The following TPRG1 variants were observed in gnomAD, a reference collection of about 807,000 sequenced individuals.
TPRG1 encodes tumor protein p63 regulated 1.
TPRG1 carries 29 observed loss-of-function variants against 29.3 expected under a neutral mutation model. That is an observed-to-expected ratio of 0.99 (90% CI 0.74 to 1.35). The LOEUF (loss-of-function observed/expected upper bound fraction) is 1.35. Among genes scored for constraint, TPRG1 ranks in the 40% most tolerant of loss-of-function variants. TPRG1 has a pLI of 0.00. For missense variants in TPRG1, 327 were observed against 335.0 expected, an observed-to-expected ratio of 0.98 and a Z score of 0.19; for synonymous variants, 130 against 116.8, an observed-to-expected ratio of 1.11 and a Z score of -0.73.
At chr3:189,275,033 ATATT>A (rs367770565) in intron 4 of TPRG1, among the ~76,000 whole-genome samples, 302 of 151,904 alleles carry the variant, frequency 2.0e-3, no homozygotes, top group African/African-American at 6.5e-3. Flanking sequence ...CATTCATCAA[ATATT>A]TATTGAGGTT....
intron 1 of TPRG1, among the ~76,000 whole-genome samples, chr3:189,114,906 A>G (rs1057118716): frequency 6.6e-6 from 1 of 152,246 alleles, no homozygotes; most frequent in Admixed American, 6.5e-5. Context: ...CAGGACTGTG[A>G]GCTATAGCTG....
intron 4 of TPRG1, among the ~76,000 whole-genome samples, chr3:189,077,961 G>T (rs1717291626): frequency 6.6e-6 from 1 of 151,824 alleles, no homozygotes; most frequent in South Asian, 2.1e-4. Context: ...CAATTACTGT[G>T]CTTTGAAGAA....
At chr3:189,270,193 GAAA>G (rs558585437) in intron 4 of TPRG1, among the ~76,000 whole-genome samples, 1 of 135,754 alleles carries the variant, frequency 7.4e-6, no homozygotes, top group African/African-American at 2.7e-5. Flanking sequence ...GCTGAAGAGA[GAAA>G]AAAAAAAAAG....
intron 4 of TPRG1, among the ~76,000 whole-genome samples, chr3:189,078,348 G>A (rs1164411624): frequency 6.6e-6 from 1 of 151,782 alleles, no homozygotes; most frequent in Non-Finnish European, 1.5e-5. Context: ...ATATTGTTCA[G>A]GCTGGTCTTG....
chr3:188,998,945 A>G (rs983226617), intron 1 of TPRG1, among the ~76,000 whole-genome samples: 1 of 152,240 alleles, frequency 6.6e-6, no homozygotes, highest in Non-Finnish European at 1.5e-5. Flanking sequence ...TGTGTATTTC[A>G]AAGTAGCCAG....
chr3:189,201,060 C>A (rs1056339893), intron 1 of TPRG1, among the ~76,000 whole-genome samples: 1 of 152,178 alleles, frequency 6.6e-6, no homozygotes, highest in African/African-American at 2.4e-5. Flanking sequence ...ATGTTAAAGG[C>A]ACCATCTTGA....
chr3:189,272,598 A>C (rs923769529), intron 4 of TPRG1, among the ~76,000 whole-genome samples: 7 of 146,008 alleles, frequency 4.8e-5, no homozygotes, highest in African/African-American at 1.9e-4. Context: ...TTCTTCTGCC[A>C]AGTCTCTTCT....
rs558912820 is a variant in TPRG1 at position 189,249,633 on chromosome 3, A to C, written c.479+10724A>C. Among the ~76,000 whole-genome samples, 14 of 151,990 alleles carry C rather than the reference A, an allele frequency of 9.2e-5. No individual in the cohort carries two copies. The South Asian group carries it at 1.0e-3, about 11-fold the overall frequency. On this transcript the variant is annotated intron_variant, in intron 4 of 5. Transcript: ENST00000345063. ...TTTAAAATATATTACCATGTTGTCT[A>C]ATTTCCTTTGCTTTTCATTGAGTGC...
intron 4 of TPRG1, among the ~76,000 whole-genome samples, chr3:189,304,572 G>A (rs1007830436): frequency 6.6e-6 from 1 of 152,182 alleles, no homozygotes; most frequent in African/African-American, 2.4e-5. Context: ...GTTTGGAACA[G>A]CCTGGGGACA....
chr3:189,034,936 A>G (rs966839243), intron 4 of TPRG1, among the ~76,000 whole-genome samples: 1 of 152,214 alleles, frequency 6.6e-6, no homozygotes, highest in Non-Finnish European at 1.5e-5. Flanking sequence ...AGAAAAAACT[A>G]TTCTAAAATT....
At chr3:189,315,903 A>C (rs1041106041) in intron 5 of TPRG1, among the ~76,000 whole-genome samples, 2 of 152,218 alleles carry the variant, frequency 1.3e-5, no homozygotes, top group Admixed American at 1.3e-4. Context: ...GGGGAGCCCA[A>C]AAGTGGGAAC....
intron 4 of TPRG1, among the ~76,000 whole-genome samples, chr3:189,050,102 C>T (rs1310942404): frequency 1.3e-5 from 2 of 151,872 alleles, no homozygotes; most frequent in Non-Finnish European, 2.9e-5. Context: ...CTAAATGAAA[C>T]TGAAACAAAC....
At chr3:189,076,677 T>A (rs541902098) in intron 4 of TPRG1, among the ~76,000 whole-genome samples, 2 of 152,106 alleles carry the variant, frequency 1.3e-5, no homozygotes, top group East Asian at 3.9e-4. Context: ...CCTTTTTAAA[T>A]TCATAGATCA....
At chr3:189,079,572 T>C (rs1460315216) in intron 4 of TPRG1, among the ~76,000 whole-genome samples, 1 of 151,704 alleles carries the variant, frequency 6.6e-6, no homozygotes, top group African/African-American at 2.4e-5. Flanking sequence ...CTACTAATAA[T>C]TAAAAACAGA....
At chr3:189,282,648 C>T (rs1717364370) in intron 4 of TPRG1, among the ~76,000 whole-genome samples, 1 of 152,132 alleles carries the variant, frequency 6.6e-6, no homozygotes, top group Non-Finnish European at 1.5e-5. Flanking sequence ...GTGTTTTCTA[C>T]ACAATGCCTT....
chr3:189,044,523 C>T (rs150533745), intron 4 of TPRG1, among the ~76,000 whole-genome samples: 2 of 151,302 alleles, frequency 1.3e-5, no homozygotes, highest in African/African-American at 4.9e-5. Context: ...CCATTGCACT[C>T]CAGCCTGGGT....
intron 4 of TPRG1, among the ~76,000 whole-genome samples, chr3:189,307,348 CAACTT>C (rs1374770281): frequency 2.6e-5 from 4 of 152,180 alleles, no homozygotes; most frequent in Non-Finnish European, 4.4e-5. Context: ...CTCACCCTGA[CAACTT>C]AACTTGTTTG....
chr3:189,292,144 T>A (rs1360261373), intron 4 of TPRG1, among the ~76,000 whole-genome samples: 1 of 152,192 alleles, frequency 6.6e-6, no homozygotes, highest in Non-Finnish European at 1.5e-5. Flanking sequence ...AGCAATAAGA[T>A]GTAATCTGTT....
intron 4 of TPRG1, among the ~76,000 whole-genome samples, chr3:189,248,486 T>C (rs1741685462): frequency 6.6e-6 from 1 of 151,516 alleles, no homozygotes; most frequent in South Asian, 2.1e-4. Flanking sequence ...CTGTATTATG[T>C]ATTAATTCTA....
Sources: gnomAD v4.1 joint callset for allele counts (sites outside exome capture counted in the v4.1 genomes callset) on GRCh38, gnomAD v4.1.1 for gene constraint, MANE v1.5 for transcripts, NCBI Gene and HGNC (gene_info 2026-07-23, HGNC 2026-07-21) for gene names.